SPATA16: variants seen among roughly 807,000 people sequenced by gnomAD.
SPATA16 encodes the protein spermatogenesis-associated protein 16.
Under a neutral mutation model 63.3 loss-of-function variants are expected in SPATA16, and 36 were observed. That is an observed-to-expected ratio of 0.57 (90% CI 0.44 to 0.75). The LOEUF is 0.75. Ranked by LOEUF, SPATA16 falls within the 30% of genes least tolerant of loss-of-function variation. The pLI is 0.00. For synonymous variants in SPATA16, 203 were observed against 216.7 expected (o/e 0.94, Z 0.56); for missense variants, 646 against 679.3 (o/e 0.95, Z 0.54).
chr3:173,072,184 T>C (rs1429584409), intron 2 of SPATA16, among the ~76,000 whole-genome samples: 3 of 151,978 alleles, frequency 2.0e-5, no homozygotes, highest in Non-Finnish European at 2.9e-5. Flanking sequence ...AAACAGAGGA[T>C]TGGATAAAGA....
intron 6 of SPATA16, among the ~76,000 whole-genome samples, chr3:172,942,260 A>G (rs1166256723): frequency 6.6e-6 from 1 of 152,160 alleles, no homozygotes; most frequent in Admixed American, 6.5e-5. Flanking sequence ...ATTCAGACAG[A>G]GATTGACTAC....
At chr3:172,956,330 T>C (rs16846335) in intron 6 of SPATA16, among the ~76,000 whole-genome samples, 5,689 of 152,100 alleles carry the variant, frequency 0.037, 359 homozygotes, top group African/African-American at 0.13. Context: ...AAAAAATCCA[T>C]CTGCAGGAAA....
intron 4 of SPATA16, among the ~76,000 whole-genome samples, chr3:173,004,173 T>TA: frequency 6.6e-6 from 1 of 152,172 alleles, no homozygotes; most frequent in East Asian, 1.9e-4. Flanking sequence ...CAGTATTTTT[T>TA]AAAAAGAGTA....
At chr3:173,107,784 G>A (rs1258846861) in intron 2 of SPATA16, among the ~76,000 whole-genome samples, 2 of 152,142 alleles carry the variant, frequency 1.3e-5, no homozygotes, top group Non-Finnish European at 2.9e-5. Context: ...ACAGAGGAAA[G>A]AGACGGAATT....
chr3:172,924,076 T>G lies in SPATA16; in HGVS notation c.1338+132A>C, dbSNP rs1359899923. On this transcript the variant is annotated intron_variant, in intron 8 of 10. Transcript: ENST00000351008. ...TCATTAGCTAAAATTTGCTTGTTTT[T>G]GCAAATGAGATTTACTATGAACGTT... 5.6e-6 allele frequency: 4 copies of G among 719,586 alleles called. No homozygotes were observed. In the Admixed American group the frequency reaches 1.1e-4, roughly 20 times the overall value. The allele number at this position is 719,586 out of a possible 1,614,324, so 44.6% of individuals were successfully genotyped here.
At position 173,024,529 on chromosome 3, in the gene SPATA16, A is replaced by G. The variant is rs145429820; in HGVS notation, c.759-4954T>C. ...TTGTATTGATGAATTAGGTTAATTA[A>G]TGATTCAAGAAAGGTATCAAAATTA... On this transcript the variant is annotated intron_variant, in intron 3 of 10. Transcript: ENST00000351008. Among the ~76,000 whole-genome samples, 218 of 151,064 alleles carry G rather than the reference A, an allele frequency of 1.4e-3. 1 individual carries two copies. The highest frequency in any genetic ancestry group is 4.2e-3 in the African/African-American group (173 of 41,534).
chr3:172,943,351 T>C (rs1405254638), intron 6 of SPATA16, among the ~76,000 whole-genome samples: 2 of 152,238 alleles, frequency 1.3e-5, no homozygotes, highest in African/African-American at 4.8e-5. Flanking sequence ...GAACAACATG[T>C]AAATGCCTGC....
At chr3:172,919,236 G>A (rs1005037762) in intron 8 of SPATA16, among the ~76,000 whole-genome samples, 16 of 152,284 alleles carry the variant, frequency 1.1e-4, no homozygotes, top group Middle Eastern at 3.4e-3. Context: ...ACTGACAGCA[G>A]CCAATAAAGT....
At chr3:173,092,225 C>A (rs1192942920) in intron 2 of SPATA16, among the ~76,000 whole-genome samples, 1 of 152,170 alleles carries the variant, frequency 6.6e-6, no homozygotes, top group Non-Finnish European at 1.5e-5. Flanking sequence ...CTCTGGCAAG[C>A]TATTTTGTCA....
chr3:173,129,870 T>C (rs778922424), intron 1 of SPATA16, among the ~76,000 whole-genome samples: 3 of 152,112 alleles, frequency 2.0e-5, no homozygotes, highest in Non-Finnish European at 4.4e-5. Flanking sequence ...TAATGCATGA[T>C]CCACTGGAAT....
chr3:173,024,532 A>T (rs959774469), intron 3 of SPATA16, among the ~76,000 whole-genome samples: 1 of 150,920 alleles, frequency 6.6e-6, no homozygotes, highest in Non-Finnish European at 1.5e-5. Context: ...TTAATTAATG[A>T]TTCAAGAAAG....
At chr3:172,936,313 A>G (rs918622872) in intron 6 of SPATA16, among the ~76,000 whole-genome samples, 6 of 152,250 alleles carry the variant, frequency 3.9e-5, no homozygotes, top group Non-Finnish European at 7.3e-5. Flanking sequence ...TCATGCCTAC[A>G]TAATGAAATC....
At chr3:173,054,102 G>A (rs976664587) in intron 2 of SPATA16, among the ~76,000 whole-genome samples, 3 of 151,654 alleles carry the variant, frequency 2.0e-5, no homozygotes, top group Non-Finnish European at 4.4e-5. Context: ...ATTATTACAT[G>A]TTACAATTAT....
intron 2 of SPATA16, among the ~76,000 whole-genome samples, chr3:173,107,610 T>G (rs1425981022): frequency 6.6e-6 from 1 of 152,078 alleles, no homozygotes; most frequent in Non-Finnish European, 1.5e-5. Flanking sequence ...AAACTAAATT[T>G]TCCTTTAATA....
intron 4 of SPATA16, among the ~76,000 whole-genome samples, chr3:172,978,698 AG>A (rs1277256585): frequency 1.3e-5 from 2 of 152,222 alleles, no homozygotes; most frequent in Non-Finnish European, 2.9e-5. Flanking sequence ...AGTTAAATCA[AG>A]GGTGGGCAAA....
At chr3:172,944,784 C>T (rs9833759) in intron 6 of SPATA16, among the ~76,000 whole-genome samples, 13,300 of 152,058 alleles carry the variant, frequency 0.087, 1,945 homozygotes, top group African/African-American at 0.3. Flanking sequence ...GTCAAATTCA[C>T]AGAGACAGAA....
intron 2 of SPATA16, among the ~76,000 whole-genome samples, chr3:173,076,287 A>G (rs1475178498): frequency 2.0e-5 from 3 of 152,176 alleles, no homozygotes; most frequent in Non-Finnish European, 4.4e-5. Context: ...CTAGAAATTG[A>G]CGTTTGTGAA....
rs548937764 is a variant in SPATA16, at chr3:172,951,897, C to T, written c.1081+4780G>A. ...GCAAAACTTTGATAGGTAGACTCTT[C>T]ATCCAAAATCTTCAAGGTACAGATT... is the stretch of plus-strand genomic sequence containing the variant. On this transcript the variant is annotated intron_variant, in intron 6 of 10. Coordinates refer to ENST00000351008, the MANE Select transcript of SPATA16 (RefSeq NM_031955.6). Among the ~76,000 whole-genome samples the T allele has an allele frequency of 3.3e-5, 5 of 152,302 alleles. No individual in the cohort carries two copies. The South Asian group carries it at 1.0e-3, about 32-fold the overall frequency.
intron 6 of SPATA16, among the ~76,000 whole-genome samples, chr3:172,952,760 T>C (rs1201060710): frequency 1.3e-5 from 2 of 151,912 alleles, no homozygotes; most frequent in African/African-American, 4.8e-5. Flanking sequence ...GCCAACATGG[T>C]GAAACCCCGT....
Sources: allele counts gnomAD v4.1 joint callset (sites outside exome capture counted in the v4.1 genomes callset), GRCh38; gene constraint gnomAD v4.1.1; transcripts MANE v1.5; gene names NCBI Gene and HGNC (gene_info 2026-07-23, HGNC 2026-07-21).